The following SLC24A2 variants were observed in gnomAD, a reference collection of about 807,000 sequenced individuals.
SLC24A2 encodes sodium/potassium/calcium exchanger 2.
A neutral mutation model predicts 62.0 loss-of-function variants in SLC24A2; 36 were observed. The ratio of observed to expected loss-of-function variants is 0.58; its 90% confidence interval spans 0.44 to 0.77. The LOEUF is 0.77. SLC24A2 is among the 30% of genes least tolerant of loss of function. The probability of loss-of-function intolerance (pLI) is 0.00; values close to 1 mark genes in which losing one functional copy is unlikely to be tolerated. For synonymous variants in SLC24A2, 358 were observed against 294.0 expected, an observed-to-expected ratio of 1.22 and a Z score of -2.23; for missense variants, 846 against 817.9, an observed-to-expected ratio of 1.03 and a Z score of -0.42.
chr9:19,904,223 C>A, the SLC24A2 span, among the ~76,000 whole-genome samples: 1 of 152,324 alleles, frequency 6.6e-6, no homozygotes, highest in East Asian at 1.9e-4. Flanking sequence ...TGCACTCTGA[C>A]AAGATGAACA....
At chr9:20,081,771 C>T in the SLC24A2 span, among the ~76,000 whole-genome samples, 1 of 152,162 alleles carries the variant, frequency 6.6e-6, no homozygotes, top group African/African-American at 2.4e-5. Flanking sequence ...TTAATCATTA[C>T]TGGCCTATAT....
chr9:19,663,075 G>A (rs1819149042), intron 2 of SLC24A2, among the ~76,000 whole-genome samples: 1 of 152,188 alleles, frequency 6.6e-6, no homozygotes, highest in Non-Finnish European at 1.5e-5. Context: ...TGCAAAATAG[G>A]TAAATGGCTA....
intron 2 of SLC24A2, among the ~76,000 whole-genome samples, chr9:19,626,926 C>T (rs1024867806): frequency 1.3e-5 from 2 of 152,186 alleles, no homozygotes; most frequent in African/African-American, 4.8e-5. Flanking sequence ...GAAAAACACC[C>T]TACTACCTCT....
chr9:19,525,726 C>G (rs1352514958), intron 9 of SLC24A2, among the ~76,000 whole-genome samples: 2 of 148,856 alleles, frequency 1.3e-5, no homozygotes, highest in Non-Finnish European at 3.0e-5. Context: ...CAAATGTATG[C>G]AGCCATGTTT....
intron 2 of SLC24A2, among the ~76,000 whole-genome samples, chr9:19,685,289 T>A (rs1375387553): frequency 6.6e-6 from 1 of 152,178 alleles, no homozygotes. Context: ...AAACATTCCA[T>A]GCTCATTGAT....
upstream of SLC24A2, among the ~76,000 whole-genome samples, chr9:19,789,706 G>A (rs534118588): frequency 6.6e-6 from 1 of 152,302 alleles, no homozygotes; most frequent in South Asian, 2.1e-4. Flanking sequence ...CAGGCTTGTT[G>A]GGGATGAGAG....
chr9:20,113,166 G>A, the SLC24A2 span, among the ~76,000 whole-genome samples: 1 of 152,078 alleles, frequency 6.6e-6, no homozygotes. Context: ...CTCTCCCCCA[G>A]GACTGGTCAA....
At chr9:19,535,776 T>G (rs781555883) in intron 8 of SLC24A2, among the ~76,000 whole-genome samples, 2 of 152,170 alleles carry the variant, frequency 1.3e-5, no homozygotes, top group Non-Finnish European at 2.9e-5. Flanking sequence ...AGTCAGGTAG[T>G]GTGATGCCTC....
the SLC24A2 span, among the ~76,000 whole-genome samples, chr9:19,989,436 A>G: frequency 1.3e-5 from 2 of 152,188 alleles, no homozygotes; most frequent in East Asian, 3.8e-4. Flanking sequence ...TACTATTACT[A>G]ATTTTTGATG....
At chr9:19,553,637 T>A (rs1834947642) in intron 7 of SLC24A2, among the ~76,000 whole-genome samples, 1 of 152,056 alleles carries the variant, frequency 6.6e-6, no homozygotes, top group South Asian at 2.1e-4. Flanking sequence ...GCAGAGTAGG[T>A]GGTAGAGAAT....
chr9:19,706,639 A>G (rs947948695), intron 2 of SLC24A2, among the ~76,000 whole-genome samples: 3 of 151,870 alleles, frequency 2.0e-5, no homozygotes, highest in African/African-American at 7.3e-5. Flanking sequence ...CGGCCTCCCA[A>G]AGTGCTGGGA....
chr9:19,908,925 G>A, the SLC24A2 span, among the ~76,000 whole-genome samples: 5 of 152,138 alleles, frequency 3.3e-5, no homozygotes, highest in African/African-American at 1.2e-4. Context: ...TCAGTGTGGC[G>A]ATTCCTCAGG....
rs1832836143 is a variant in SLC24A2 at position 19,514,051 on chromosome 9, G to C, written c.*2102C>G. ...TCTGCCGAGTTGGAGAGACTTGAAAGCCAGCCTCCGACTGGCAGCCATCTT... is the reference window on the plus strand; with the variant it reads ...TCTGCCGAGTTGGAGAGACTTGAAACCCAGCCTCCGACTGGCAGCCATCTT... On this transcript the variant is annotated 3_prime_UTR_variant, in exon 11 of 11. Transcript: ENST00000341998. 6.6e-6 allele frequency: 1 copy of C among 152,344 alleles called. No individual in the cohort carries two copies. The highest frequency in any genetic ancestry group is 1.9e-4 in the East Asian group (1 of 5,186). The allele number at this position is 152,344 out of a possible 1,614,324, so 9.4% of individuals were successfully genotyped here. A position where few individuals can be genotyped will look rare whatever the true frequency, so the allele number is the denominator to read the frequency against.
intron 2 of SLC24A2, among the ~76,000 whole-genome samples, chr9:19,748,885 A>G (rs1821908166): frequency 6.6e-6 from 1 of 151,896 alleles, no homozygotes; most frequent in Non-Finnish European, 1.5e-5. Flanking sequence ...CTCAGGAGGA[A>G]GTTGGTTTGT....
chr9:20,222,817 A>G, the SLC24A2 span, among the ~76,000 whole-genome samples: 2 of 152,244 alleles, frequency 1.3e-5, no homozygotes, highest in East Asian at 3.9e-4. Context: ...TATAAATGAT[A>G]AGGGAACTTC....
At chr9:19,704,767 A>G (rs1044636465) in intron 2 of SLC24A2, among the ~76,000 whole-genome samples, 2 of 148,672 alleles carry the variant, frequency 1.3e-5, no homozygotes, top group Non-Finnish European at 3.0e-5. Context: ...TCATGTCCCT[A>G]GTGCTCTTGG....
the SLC24A2 span, among the ~76,000 whole-genome samples, chr9:20,080,529 A>C: frequency 6.6e-6 from 1 of 151,850 alleles, no homozygotes; most frequent in Non-Finnish European, 1.5e-5. Flanking sequence ...AAACCCTAGA[A>C]GAAAACCTAG....
At chr9:19,944,487 GAATTT>G in the SLC24A2 span, among the ~76,000 whole-genome samples, 1 of 148,942 alleles carries the variant, frequency 6.7e-6, no homozygotes, top group Non-Finnish European at 1.5e-5. Context: ...GAAAAGAAAT[GAATTT>G]GACTTATCAA....
chr9:19,596,056 C>G (rs1836695644), intron 5 of SLC24A2, among the ~76,000 whole-genome samples: 1 of 152,132 alleles, frequency 6.6e-6, no homozygotes, highest in African/African-American at 2.4e-5. Context: ...TAGAAAATAT[C>G]ATGGTGGTTA....
Sources: gnomAD v4.1 joint callset for allele counts (sites outside exome capture counted in the v4.1 genomes callset) on GRCh38, gnomAD v4.1.1 for gene constraint, MANE v1.5 for transcripts, NCBI Gene and HGNC (gene_info 2026-07-23, HGNC 2026-07-21) for gene names.